The following PCSK6 variants were observed in gnomAD, a reference collection of about 807,000 sequenced individuals.
PCSK6 encodes the protein paired basic amino acid cleaving enzyme 4.
Under a neutral mutation model 123.3 loss-of-function variants are expected in PCSK6, and 85 were observed. The ratio of observed to expected loss-of-function variants is 0.69; its 90% CI spans 0.58 to 0.83. The LOEUF (loss-of-function observed/expected upper bound fraction) is 0.83, where lower values mean the gene tolerates loss of function less well. PCSK6 is among the 40% of genes least tolerant of loss of function. The pLI is 0.00. For synonymous variants in PCSK6, 508 were observed against 516.0 expected (o/e 0.98, Z 0.21); for missense variants, 1,191 against 1,282.3 (o/e 0.93, Z 1.09).
chr15:101,404,547 G>A (rs765247389), intron 6 of PCSK6, among the ~76,000 whole-genome samples: 12 of 152,148 alleles, frequency 7.9e-5, no homozygotes, highest in South Asian at 2.1e-4. Flanking sequence ...CGTGGCCGCC[G>A]GCAAGATACA....
intron 1 of PCSK6, among the ~76,000 whole-genome samples, chr15:101,468,458 T>C (rs2057520140): frequency 6.6e-6 from 1 of 152,198 alleles, no homozygotes; most frequent in Non-Finnish European, 1.5e-5. Flanking sequence ...AGCATATTAT[T>C]CCTTAGCAGG....
intron 18 of PCSK6, among the ~76,000 whole-genome samples, chr15:101,320,297 G>C (rs1196489105): frequency 6.6e-6 from 1 of 152,130 alleles, no homozygotes; most frequent in Non-Finnish European, 1.5e-5. Context: ...TGTTGGCCAG[G>C]CTGGTTTCGA....
intron 1 of PCSK6, among the ~76,000 whole-genome samples, chr15:101,483,778 T>C (rs547348598): frequency 1.2e-4 from 18 of 152,376 alleles, no homozygotes; most frequent in Admixed American, 7.2e-4. Flanking sequence ...TGTCCAGCTC[T>C]GTCCAAACGC....
chr15:101,439,738 T>G (rs1383654412), intron 2 of PCSK6, among the ~76,000 whole-genome samples: 3 of 152,182 alleles, frequency 2.0e-5, no homozygotes, highest in Non-Finnish European at 4.4e-5. Flanking sequence ...AAACCCGAGC[T>G]TTGATTAAAC....
intron 1 of PCSK6, among the ~76,000 whole-genome samples, chr15:101,484,661 G>A (rs2057976489): frequency 6.6e-6 from 1 of 152,036 alleles, no homozygotes; most frequent in Admixed American, 6.6e-5. Context: ...AAAGTGCTGG[G>A]ATTACAGGCG....
At chr15:101,480,080 G>A in intron 1 of PCSK6, among the ~76,000 whole-genome samples, 1 of 152,244 alleles carries the variant, frequency 6.6e-6, no homozygotes, top group East Asian at 1.9e-4. Flanking sequence ...AGGAACGTGA[G>A]TGATGCCATT....
intron 1 of PCSK6, among the ~76,000 whole-genome samples, chr15:101,454,219 C>A (rs985808748): frequency 6.6e-6 from 1 of 152,226 alleles, no homozygotes; most frequent in Non-Finnish European, 1.5e-5. Flanking sequence ...CAAGGGAAAT[C>A]AAAAGGAATT....
chr15:101,322,556 T>C lies in PCSK6; in HGVS notation c.2429A>G (p.Glu810Gly). 6.2e-7 allele frequency: 1 copy of C among 1,613,826 alleles called. No individual in the cohort carries two copies. The highest frequency in any genetic ancestry group is 8.5e-7 in the Non-Finnish European group (1 of 1,179,772). ...CHPSCKKCVD[E>G]PEKCTVCKEG... ...TTTACAGACAGTACATTTCTCAGGT[T>C]CATCCACGCACTTTTTACAGCTTGG... is the stretch of plus-strand genomic sequence containing the variant. The change falls in exon 18 of 22, where the codon GAA (glutamate) becomes GGA (glycine). Residue 810 changes from glutamate to glycine, a missense_variant. By Grantham distance (98) the Glu-to-Gly change is moderately conservative. Transcript: ENST00000611716.
chr15:101,353,790 G>C (rs1005609894), intron 13 of PCSK6, among the ~76,000 whole-genome samples: 1 of 152,192 alleles, frequency 6.6e-6, no homozygotes, highest in African/African-American at 2.4e-5. Context: ...AGGTTGGGTT[G>C]AGGTGAGGGT....
Position 101,445,822 on chromosome 15 carries a change from G to T in PCSK6, c.298-2162C>A, listed in dbSNP as rs529619068. On this transcript the variant is annotated intron_variant, in intron 1 of 21. Transcript: ENST00000611716. ...CTTGCTGGCAAAGAGACTAATTGCA[G>T]CAGTGCTGACCCTTAGCAGGCTCAT... Among the ~76,000 whole-genome samples the T allele has an allele frequency of 3.3e-5, 5 of 152,372 alleles. No homozygotes were observed. In the South Asian group the frequency reaches 1.0e-3, roughly 32 times the overall value.
chr15:101,323,969 C>G lies in PCSK6; in HGVS notation c.2377+881G>C, dbSNP rs140203473. On this transcript the variant is annotated intron_variant, in intron 17 of 21. Transcript: ENST00000611716. Reference sequence around the variant, plus strand: ...AGAACTATCCCCTGTCAATTTAACCCAAGCCCTGCTTTTGTGTCTCCCAGG... The same window carrying G: ...AGAACTATCCCCTGTCAATTTAACCGAAGCCCTGCTTTTGTGTCTCCCAGG... Among the ~76,000 whole-genome samples, 212 of 152,272 alleles carry G rather than the reference C, an allele frequency of 1.4e-3. 3 individuals are homozygous for G. The highest frequency in any genetic ancestry group is 4.7e-3 in the African/African-American group (197 of 41,558).
rs2041878287 is a variant in PCSK6 at position 101,380,273 on chromosome 15, C to G, written c.1532+1819G>C. ...AACCACTCGCCACCTAGGCACCACT[C>G]TGCCATCTTAAAACGATTTCTGGCA... is the stretch of plus-strand genomic sequence containing the variant. On this transcript the variant is annotated intron_variant, in intron 11 of 21. Transcript: ENST00000611716. Among the ~76,000 whole-genome samples, 3 of 152,234 alleles carry G rather than the reference C, an allele frequency of 2.0e-5. No homozygotes were observed. The South Asian group carries it at 6.2e-4, about 32-fold the overall frequency.
In PCSK6 at chr15:101,366,232, C is replaced by A. The variant is rs374803336; in HGVS notation, c.1822G>T (p.Asp608Tyr). 3 of 1,613,646 alleles carry A rather than the reference C, an allele frequency of 1.9e-6. No individual in the cohort carries two copies. The highest frequency in any genetic ancestry group is 2.5e-6 in the Non-Finnish European group (3 of 1,179,724). ...GGGTTGCGGACCTGGGATGGCAGAT[C>A]TTGGATTTCCAAGGTCCACTGCCCT... ...AEGQWTLEIQ[D>Y]LPSQVRNPEK... is the part of the protein sequence containing the mutation. Residue 608 changes from aspartate (D) to tyrosine (Y), a missense_variant, in exon 13 of 22, where the codon GAT (aspartate) becomes TAT (tyrosine). Physicochemically the swap from Asp to Tyr is radical, Grantham distance 160 (BLOSUM62 -3). Around this residue, in one of 3 missense-constraint regions of PCSK6, gnomAD observed 630 missense variants for 631.4 expected, o/e 1.00. Coordinates refer to ENST00000611716, the MANE Select transcript of PCSK6 (RefSeq NM_002570.5).
intron 17 of PCSK6, among the ~76,000 whole-genome samples, chr15:101,323,121 T>C (rs748165734): frequency 1.6e-4 from 24 of 152,180 alleles, no homozygotes; most frequent in Non-Finnish European, 3.1e-4. Flanking sequence ...TGTCATAACT[T>C]ATTATCTGGG....
intron 1 of PCSK6, among the ~76,000 whole-genome samples, chr15:101,448,969 T>C (rs1187454056): frequency 6.6e-6 from 1 of 152,198 alleles, no homozygotes; most frequent in Non-Finnish European, 1.5e-5. Context: ...ATGTATAGAA[T>C]GTGTGAGTGT....
At chr15:101,362,950 G>A (rs1226999556) in intron 13 of PCSK6, among the ~76,000 whole-genome samples, 2 of 152,184 alleles carry the variant, frequency 1.3e-5, no homozygotes, top group African/African-American at 2.4e-5. Flanking sequence ...CTTGGGCAAT[G>A]TGGAAACGGT....
chr15:101,393,991 A>G (rs924274528), intron 7 of PCSK6, among the ~76,000 whole-genome samples: 2 of 152,214 alleles, frequency 1.3e-5, no homozygotes, highest in Non-Finnish European at 2.9e-5. Flanking sequence ...GGAAAGGGTT[A>G]CGTCCAGGAA....
intron 5 of PCSK6, 28 bp downstream of exon 5, chr15:101,429,959 G>T: frequency 6.3e-7 from 1 of 1,575,112 alleles, no homozygotes; most frequent in Non-Finnish European, 8.7e-7. Flanking sequence ...GGGAAGAGAA[G>T]CCGGGGAGAT....
chr15:101,325,131 GA>G, intron 16 of PCSK6, 85 bp from the exon 17 acceptor site: 1 of 944,424 alleles, frequency 1.1e-6, no homozygotes, highest in Non-Finnish European at 1.6e-6. Flanking sequence ...CTGAGGAAAC[GA>G]AGGCTTCAGG....
Sources: allele counts gnomAD v4.1 joint callset (sites outside exome capture counted in the v4.1 genomes callset), GRCh38; gene constraint gnomAD v4.1.1; regional missense constraint gnomAD v4.1.1; transcripts MANE v1.5; gene names NCBI Gene and HGNC (gene_info 2026-07-23, HGNC 2026-07-21).